The following ATAD1 variants were observed in gnomAD, a reference collection of about 807,000 sequenced individuals.
ATAD1 encodes the protein outer mitochondrial transmembrane helix translocase.
In ATAD1, 18 loss-of-function variants were observed where a neutral mutation model predicts 42.7. That is an observed-to-expected ratio of 0.42 (90% CI 0.29 to 0.63). ATAD1 has a LOEUF of 0.63. Ranked by LOEUF, ATAD1 falls within the 20% of genes least tolerant of loss-of-function variation. The pLI, the probability that ATAD1 is intolerant of heterozygous loss-of-function variation, is 0.19. For synonymous variants in ATAD1, 132 were observed against 143.1 expected (o/e 0.92, Z 0.55); for missense variants, 294 against 440.4 (o/e 0.67, Z 2.98).
rs560733771 is a variant in ATAD1, at chr10:87,754,021, G to A, written c.*666C>T. 1.3e-5 allele frequency: 2 copies of A among 152,176 alleles called. No individual in the cohort carries two copies. The highest frequency in any genetic ancestry group is 2.4e-5 in the African/African-American group (1 of 41,416). 9.4% of individuals were successfully genotyped at this position (152,176 alleles called of 1,614,324 possible). On this transcript the variant is annotated 3_prime_UTR_variant, in exon 10 of 10. Transcript: ENST00000680024. ...ACTAGTATTTTCATTTGATTATCCT[G>A]ACAAACATAATAATTGAGCCCATGT... is the stretch of plus-strand genomic sequence containing the variant.
chr10:87,826,002 G>A (rs147446994), intron 1 of ATAD1, among the ~76,000 whole-genome samples: 193 of 152,280 alleles, frequency 1.3e-3, no homozygotes, highest in Non-Finnish European at 2.1e-3. Flanking sequence ...AAAGGCCAGG[G>A]CAAAGCTGGC....
At chr10:87,840,900 C>T (rs1437183357) in intron 1 of ATAD1, among the ~76,000 whole-genome samples, 2 of 152,036 alleles carry the variant, frequency 1.3e-5, no homozygotes, top group East Asian at 3.9e-4. Flanking sequence ...TTATATCCAG[C>T]TGATAAGTTG....
chr10:87,831,056 G>A (rs903947151), intron 1 of ATAD1, among the ~76,000 whole-genome samples: 9 of 152,068 alleles, frequency 5.9e-5, no homozygotes, highest in African/African-American at 1.7e-4. Flanking sequence ...AGCACATTTC[G>A]GGTGATTTAT....
upstream of ATAD1, among the ~76,000 whole-genome samples, chr10:87,820,024 A>G (rs1857599625): frequency 6.6e-6 from 1 of 152,226 alleles, no homozygotes; most frequent in Admixed American, 6.5e-5. Context: ...TGGGATTACT[A>G]GACTATTTAG....
chr10:87,788,888 G>A (rs1484438648), intron 4 of ATAD1, among the ~76,000 whole-genome samples: 2 of 152,040 alleles, frequency 1.3e-5, no homozygotes, highest in Admixed American at 6.5e-5. Context: ...TTTTGCGGCA[G>A]GGGGGAAATC....
At chr10:87,811,731 C>T (rs12779667) in intron 2 of ATAD1, among the ~76,000 whole-genome samples, 44,607 of 152,048 alleles carry the variant, frequency 0.29, 6,761 homozygotes, top group Middle Eastern at 0.31. Flanking sequence ...ACTGTTCTAA[C>T]GACTTCAACT....
intron 3 of ATAD1, 150 bp downstream of exon 3, chr10:87,792,507 T>C: frequency 1.7e-6 from 1 of 605,354 alleles, no homozygotes; most frequent in Non-Finnish European, 2.9e-6. Context: ...GTGTAATAAA[T>C]CATATACAGG....
Position 87,817,912 on chromosome 10 carries a change from T to C in ATAD1, c.-14+255A>G, listed in dbSNP as rs1028848991. 3.0e-6 allele frequency: 3 copies of C among 985,046 alleles called. No individual in the cohort carries two copies. In the African/African-American group the frequency reaches 5.3e-5, roughly 17 times the overall value. The allele number at this position is 985,046 out of a possible 1,614,324, so 61.0% of individuals were successfully genotyped here. A position where few individuals can be genotyped will look rare whatever the true frequency, so the allele number is the denominator to read the frequency against. Reference sequence around the variant, plus strand: ...AAGATTCCCTCGGGAATGGCACGAGTCTTGGGGAAGAGCTAAGCAGACCCT... The same window carrying C: ...AAGATTCCCTCGGGAATGGCACGAGCCTTGGGGAAGAGCTAAGCAGACCCT... On this transcript the variant is annotated intron_variant, in intron 1 of 9. Transcript: ENST00000680024.
At chr10:87,839,704 T>C (rs1301104985) in intron 1 of ATAD1, among the ~76,000 whole-genome samples, 1 of 152,122 alleles carries the variant, frequency 6.6e-6, no homozygotes, top group African/African-American at 2.4e-5. Context: ...TCTTTCTTTC[T>C]TCCCCCCCGC....
upstream of ATAD1, among the ~76,000 whole-genome samples, chr10:87,821,187 C>G (rs1857624766): frequency 2.0e-5 from 3 of 151,974 alleles, no homozygotes; most frequent in South Asian, 6.2e-4. Flanking sequence ...GCTCTGCAAT[C>G]AAGGTTAATG....
intron 1 of ATAD1, among the ~76,000 whole-genome samples, chr10:87,825,308 C>CTTTTT (rs1267573215): frequency 7.5e-6 from 1 of 132,934 alleles, no homozygotes; most frequent in African/African-American, 2.8e-5. Flanking sequence ...AAATCTTAAC[C>CTTTTT]TTTTTTTTTT....
At chr10:87,825,509 C>A (rs1444349062) in intron 1 of ATAD1, among the ~76,000 whole-genome samples, 1 of 151,964 alleles carries the variant, frequency 6.6e-6, no homozygotes, top group Non-Finnish European at 1.5e-5. Flanking sequence ...CGGGGTTTCA[C>A]CGTGTTAGCC....
Position 87,839,530 on chromosome 10 carries a change from TAA to T in ATAD1, c.-14+1655_-14+1656del, listed in dbSNP as rs1406211578. 2.6e-5 allele frequency among the ~76,000 whole-genome samples: 4 copies of T among 152,140 alleles called. No homozygotes were observed. In the East Asian group the frequency reaches 7.7e-4, roughly 29 times the overall value. Reference sequence around the variant, plus strand: ...TATCTAATAGTAAACAGAACATGAGTAATTCTTGACCATCAAGAGAAGGACAA... The same window carrying T: ...TATCTAATAGTAAACAGAACATGAGTTTCTTGACCATCAAGAGAAGGACAA... On this transcript the variant is annotated intron_variant, in intron 1 of 4. Coordinates refer to the ATAD1 transcript ENST00000495903.
chr10:87,808,400 T>A (rs1857025563), intron 2 of ATAD1, among the ~76,000 whole-genome samples: 1 of 150,576 alleles, frequency 6.6e-6, no homozygotes, highest in African/African-American at 2.4e-5. Flanking sequence ...ATAAAGAGAA[T>A]GTTTCCAATT....
chr10:87,834,865 C>T (rs982723466), intron 1 of ATAD1, among the ~76,000 whole-genome samples: 1 of 151,730 alleles, frequency 6.6e-6, no homozygotes, highest in Non-Finnish European at 1.5e-5. Context: ...GACGTGAGAA[C>T]TTTCTTCTTT....
chr10:87,810,817 G>A (rs1857143275), intron 2 of ATAD1, among the ~76,000 whole-genome samples: 1 of 152,174 alleles, frequency 6.6e-6, no homozygotes, highest in South Asian at 2.1e-4. Flanking sequence ...ACTACAGATA[G>A]CCTTTTGGGG....
At chr10:87,831,594 G>T (rs1366092486) in intron 1 of ATAD1, among the ~76,000 whole-genome samples, 2 of 152,096 alleles carry the variant, frequency 1.3e-5, no homozygotes, top group South Asian at 2.1e-4. Flanking sequence ...ACTAGAGTTT[G>T]GGTCCTCCAT....
At chr10:87,791,678 C>A (rs1856125519) in intron 3 of ATAD1, among the ~76,000 whole-genome samples, 1 of 152,152 alleles carries the variant, frequency 6.6e-6, no homozygotes, top group Non-Finnish European at 1.5e-5. Flanking sequence ...GGGACTACTT[C>A]ATTCTACTTA....
intron 4 of ATAD1, 50 bp downstream of exon 4, chr10:87,790,260 A>G (rs766413497): frequency 3.8e-5 from 61 of 1,585,342 alleles, no homozygotes; most frequent in Non-Finnish European, 5.1e-5. Flanking sequence ...GAAAGTTTCA[A>G]TGTTTTCTAG....
Sources: gnomAD v4.1 joint callset for allele counts (sites outside exome capture counted in the v4.1 genomes callset) on GRCh38, gnomAD v4.1.1 for gene constraint, MANE v1.5 for transcripts, NCBI Gene and HGNC (gene_info 2026-07-23, HGNC 2026-07-21) for gene names.